AKAP9: variants seen among roughly 807,000 people sequenced by gnomAD.
AKAP9 encodes the protein A-kinase anchoring protein 9, also known as A-kinase anchor protein 9.
A neutral mutation model predicts 488.5 loss-of-function variants in AKAP9; 311 were observed. The observed-to-expected ratio is 0.64, with a 90% confidence interval of 0.58 to 0.70. The LOEUF is 0.70. AKAP9 is among the 30% of genes least tolerant of loss of function. The pLI is 0.00. For missense variants in AKAP9, 4,215 were observed against 4,374.5 expected (o/e 0.96, Z 1.03); for synonymous variants, 1,462 against 1,483.5 (o/e 0.99, Z 0.33).
At chr7:91,997,361 AG>A (rs1326000481) in intron 7 of AKAP9, among the ~76,000 whole-genome samples, 2 of 152,194 alleles carry the variant, frequency 1.3e-5, no homozygotes, top group Non-Finnish European at 2.9e-5. Context: ...GAAGAGATTC[AG>A]GGTAAGCTTT....
chr7:91,948,478 TG>T (rs1192389655), intron 1 of AKAP9, among the ~76,000 whole-genome samples: 7 of 152,166 alleles, frequency 4.6e-5, no homozygotes, highest in Non-Finnish European at 8.8e-5. Context: ...TTTGTTTTTT[TG>T]TTTTTTTAAT....
At position 92,017,029 on chromosome 7, in the gene AKAP9, A is replaced by G; in HGVS notation, c.3764A>G (p.Asn1255Ser). Residue 1255 changes from asparagine (N) to serine (S), a missense_variant, in exon 12 of 50, where the codon AAT becomes AGT. By Grantham distance (46) the Asn-to-Ser change is conservative (BLOSUM62 1). Transcript: ENST00000356239. ...YRYEVQDFQE[N>S]MHTLLNKVTE... ...GTTTACCATCCAGACTTTCAAGAAA[A>G]TATGCACACTCTTCTCAACAAAGTA... 2 of 1,581,292 alleles carry G rather than the reference A, an allele frequency of 1.3e-6. No individual in the cohort carries two copies. Among genetic ancestry groups the G allele is most frequent in the Non-Finnish European group, 1.7e-6 (2 of 1,156,078 alleles).
Position 92,076,772 on chromosome 7 carries a change from A to G in AKAP9, c.6613-83A>G, listed in dbSNP as rs1812650031. The G allele has an allele frequency of 9.7e-6, 8 of 827,940 alleles. No homozygotes were observed. The South Asian group carries it at 1.6e-4, about 16-fold the overall frequency. 51.3% of individuals were successfully genotyped at this position (827,940 alleles called of 1,614,324 possible). On this transcript the variant is annotated intron_variant, in intron 28 of 49. Transcript: ENST00000356239. ...CATGTTTTAAGCATGCATACTTTGTAAAGCTAATATAGCACTCTTCATTTT... is the reference window on the plus strand; with the variant it reads ...CATGTTTTAAGCATGCATACTTTGTGAAGCTAATATAGCACTCTTCATTTT...
chr7:91,949,282 G>A (rs1292804454), intron 1 of AKAP9, among the ~76,000 whole-genome samples: 3 of 152,018 alleles, frequency 2.0e-5, no homozygotes, highest in Admixed American at 2.0e-4. Flanking sequence ...ATATTTTTAG[G>A]CTTTTTGGGC....
intron 31 of AKAP9, among the ~76,000 whole-genome samples, chr7:92,081,497 A>ATATATATT (rs1370452281): frequency 1.2e-5 from 1 of 85,380 alleles, no homozygotes; most frequent in African/African-American, 4.0e-5. Context: ...ATATATATAT[A>ATATATATT]TTTTTTTTTT....
intron 38 of AKAP9, chr7:92,091,892 TTC>T (rs1009163599): frequency 6.6e-6 from 1 of 150,836 alleles, no homozygotes; most frequent in Non-Finnish European, 1.5e-5. Flanking sequence ...CTAATGTTAT[TTC>T]TGTCTCCTAA....
In AKAP9 at chr7:92,045,284, G is replaced by T. The variant is rs370111613; in HGVS notation, c.5368+71G>T. The T allele has an allele frequency of 7.0e-6, 10 of 1,438,070 alleles. 1 individual carries two copies. The highest frequency in any genetic ancestry group is 2.3e-5 in the East Asian group (1 of 43,886). The allele number at this position is 1,438,070 out of a possible 1,614,324, so 89.1% of individuals were successfully genotyped here. A position where few individuals can be genotyped will look rare whatever the true frequency, so the allele number is the denominator to read the frequency against. ...CTGAGTTCAAGGCATTTTGCCATGT[G>T]TTGAAAATATAGAAGAGAAAATAAG... On this transcript the variant is annotated intron_variant, in intron 21 of 49. Coordinates refer to ENST00000356239, the MANE Select transcript of AKAP9 (RefSeq NM_005751.5).
At chr7:92,003,867 A>G (rs1359037003) in intron 8 of AKAP9, among the ~76,000 whole-genome samples, 2 of 152,202 alleles carry the variant, frequency 1.3e-5, no homozygotes, top group Non-Finnish European at 2.9e-5. Context: ...TACTGATATT[A>G]AAATAACAGG....
intron 8 of AKAP9, among the ~76,000 whole-genome samples, chr7:92,006,190 G>A (rs761765142): frequency 1.1e-4 from 17 of 150,836 alleles, no homozygotes; most frequent in Admixed American, 2.7e-4. Context: ...TCTCACTGCC[G>A]TCCAGGCTAG....
At chr7:92,104,683 T>A (rs1020203462) in intron 46 of AKAP9, among the ~76,000 whole-genome samples, 1 of 152,200 alleles carries the variant, frequency 6.6e-6, no homozygotes, top group African/African-American at 2.4e-5. Context: ...GCACAAGTTT[T>A]ATCTTAACTG....
intron 15 of AKAP9, 110 bp from the exon 16 acceptor site, chr7:92,031,402 A>G (rs1274272671): frequency 2.7e-6 from 2 of 736,926 alleles, no homozygotes; most frequent in Non-Finnish European, 4.6e-6. Context: ...GAAAGTATGT[A>G]GAACTTTTCT....
At chr7:92,089,791 T>A (rs1477591182) in intron 38 of AKAP9, 1 of 282,232 alleles carries the variant, frequency 3.5e-6, no homozygotes, top group East Asian at 6.8e-5. Context: ...TTTTTCTTTA[T>A]TTTAGAGCTG....
At chr7:91,997,864 T>A (rs1798589236) in intron 7 of AKAP9, among the ~76,000 whole-genome samples, 1 of 152,198 alleles carries the variant, frequency 6.6e-6, no homozygotes, top group African/African-American at 2.4e-5. Flanking sequence ...TTTTTTTAAA[T>A]TTTTATTCTT....
intron 21 of AKAP9, among the ~76,000 whole-genome samples, chr7:92,050,953 A>G (rs1807877457): frequency 2.0e-5 from 3 of 152,146 alleles, no homozygotes; most frequent in Admixed American, 2.0e-4. Flanking sequence ...CTTCTTCTAC[A>G]TTGTCTTCTC....
At chr7:92,034,496 A>ATTTTT (rs1364779899) in intron 16 of AKAP9, among the ~76,000 whole-genome samples, 23 of 104,260 alleles carry the variant, frequency 2.2e-4, no homozygotes, top group Non-Finnish European at 2.8e-4. Flanking sequence ...ATATATATAT[A>ATTTTT]TATTTTTTTT....
Position 92,079,928 on chromosome 7 carries a change from T to C in AKAP9, c.7795T>C (p.Ser2599Pro). 1 of 1,612,554 alleles carries C rather than the reference T, an allele frequency of 6.2e-7. No homozygotes were observed. The highest frequency in any genetic ancestry group is 8.5e-7 in the Non-Finnish European group (1 of 1,179,318). ...TCAACTAAGAGAAGATGAGTTGGGG[T>C]CAGATATATCAGCATTAACCTTGAG... ...LNQLREDELG[S>P]DISALTLRIS... The change falls in exon 31 of 50, where the codon TCA becomes CCA. Residue 2599 changes from serine to proline, a missense_variant. Physicochemically the swap from Ser to Pro is moderately conservative, Grantham distance 74. Around this residue, in one of 5 missense-constraint regions of AKAP9, gnomAD observed 1,476 missense variants for 1,477.4 expected, o/e 1.00. Transcript: ENST00000356239.
chr7:91,986,224 T>C (rs569570600), intron 3 of AKAP9, among the ~76,000 whole-genome samples: 1 of 152,330 alleles, frequency 6.6e-6, no homozygotes, highest in South Asian at 2.1e-4. Flanking sequence ...GAGAATCTCC[T>C]GGTCTGCCAG....
rs369668872 is a variant in AKAP9 at position 92,001,949 on chromosome 7, A to G, written c.2032A>G (p.Ile678Val). 3.1e-6 allele frequency: 5 copies of G among 1,612,970 alleles called. No homozygotes were observed. Among genetic ancestry groups the G allele is most frequent in the Middle Eastern group, 1.6e-4 (1 of 6,078 alleles). The change falls in exon 8 of 50, where the codon ATA becomes GTA. Residue 678 changes from isoleucine (I) to valine (V), a missense_variant. Physicochemically the swap from Ile to Val is conservative, Grantham distance 29. Transcript: ENST00000356239. ...TTTACAGAATGAAATGAGTCAAAAG[A>G]TAGAAACCATGCAGTTTGAAAAGGA... is the stretch of plus-strand genomic sequence containing the variant. ...DGLQNEMSQK[I>V]ETMQFEKDNL...
intron 43 of AKAP9, among the ~76,000 whole-genome samples, 198 bp downstream of exon 43, chr7:92,098,412 T>C (rs553321017): frequency 1.3e-5 from 2 of 152,324 alleles, no homozygotes; most frequent in East Asian, 3.9e-4. Context: ...GAATTAGCTT[T>C]CATTATTGTC....
Sources: gnomAD v4.1 joint callset for allele counts (sites outside exome capture counted in the v4.1 genomes callset) on GRCh38, gnomAD v4.1.1 for gene constraint, gnomAD v4.1.1 regional missense constraint, MANE v1.5 for transcripts, NCBI Gene and HGNC (gene_info 2026-07-23, HGNC 2026-07-21) for gene names.